The following TNR variants were observed in gnomAD, a reference collection of about 807,000 sequenced individuals.
TNR encodes the protein tenascin R.
Under a neutral mutation model 150.4 loss-of-function variants are expected in TNR, and 45 were observed. The ratio of observed to expected loss-of-function variants is 0.30; its 90% CI spans 0.24 to 0.38. TNR has a LOEUF of 0.38. TNR is among the 10% of genes least tolerant of loss of function. TNR has a pLI of 1.00. For missense variants in TNR, 1,544 were observed against 1,759.1 expected (o/e 0.88, Z 2.19); for synonymous variants, 687 against 678.4 (o/e 1.01, Z -0.20).
intron 1 of TNR, among the ~76,000 whole-genome samples, chr1:175,653,520 T>C (rs1186240451): frequency 1.3e-5 from 2 of 152,044 alleles, no homozygotes; most frequent in African/African-American, 4.8e-5. Flanking sequence ...AAGAGGACAC[T>C]GGGAAGTCAG....
chr1:175,453,264 C>T (rs942578595), intron 2 of TNR, among the ~76,000 whole-genome samples: 3 of 152,050 alleles, frequency 2.0e-5, no homozygotes, highest in Non-Finnish European at 4.4e-5. Flanking sequence ...ATGCCTCATC[C>T]GGATGATTGG....
chr1:175,367,510 T>C (rs571219660), intron 9 of TNR, among the ~76,000 whole-genome samples: 1 of 152,312 alleles, frequency 6.6e-6, no homozygotes, highest in East Asian at 1.9e-4. Flanking sequence ...AGCTTCCTTC[T>C]TGCAGGCAGG....
chr1:175,438,652 C>A (rs1655629144), intron 2 of TNR, among the ~76,000 whole-genome samples: 1 of 152,180 alleles, frequency 6.6e-6, no homozygotes, highest in African/African-American at 2.4e-5. Context: ...CCAAAATCTC[C>A]TTAAGCTGAT....
At chr1:175,720,360 T>C (rs972704841) in intron 1 of TNR, among the ~76,000 whole-genome samples, 1 of 152,204 alleles carries the variant, frequency 6.6e-6, no homozygotes, top group Non-Finnish European at 1.5e-5. Flanking sequence ...GCCAGAATCT[T>C]AATCTTGAAC....
chr1:175,726,644 G>A (rs1362717793), intron 1 of TNR, among the ~76,000 whole-genome samples: 1 of 152,224 alleles, frequency 6.6e-6, no homozygotes, highest in East Asian at 1.9e-4. Context: ...GTCAGCAAAT[G>A]CCTAGGCAAG....
chr1:175,479,327 G>A (rs1157458), intron 2 of TNR, among the ~76,000 whole-genome samples: 46,087 of 152,052 alleles, frequency 0.3, 7,698 homozygotes, highest in East Asian at 0.55. Flanking sequence ...AATACATTCA[G>A]AGGGCCCTCC....
intron 1 of TNR, among the ~76,000 whole-genome samples, chr1:175,717,277 T>A (rs16849024): frequency 0.05 from 7,652 of 152,226 alleles, 306 homozygotes; most frequent in East Asian, 0.22. Context: ...TTTATAAAAG[T>A]TCTAGTAGAG....
intron 1 of TNR, among the ~76,000 whole-genome samples, chr1:175,630,875 G>A (rs1034631699): frequency 1.3e-5 from 2 of 152,212 alleles, no homozygotes; most frequent in Non-Finnish European, 2.9e-5. Context: ...CAAACAAGGG[G>A]AGCAGGGCAG....
At chr1:175,463,142 C>T (rs1478723550) in intron 2 of TNR, among the ~76,000 whole-genome samples, 1 of 152,122 alleles carries the variant, frequency 6.6e-6, no homozygotes, top group Admixed American at 6.5e-5. Flanking sequence ...TGTTTTTACC[C>T]ACAGAGAGCC....
intron 1 of TNR, among the ~76,000 whole-genome samples, chr1:175,564,133 T>C (rs72725451): frequency 7.2e-4 from 109 of 152,364 alleles, no homozygotes; most frequent in Non-Finnish European, 1.4e-3. Context: ...ACAAGCCAAA[T>C]TGCAGAAATC....
At chr1:175,402,095 C>T (rs1653731988) in intron 4 of TNR, among the ~76,000 whole-genome samples, 1 of 151,788 alleles carries the variant, frequency 6.6e-6, no homozygotes, top group South Asian at 2.1e-4. Context: ...ATCATGAGGT[C>T]AGGAGATCGA....
At chr1:175,447,112 A>G (rs6677247) in intron 2 of TNR, among the ~76,000 whole-genome samples, 60,305 of 151,898 alleles carry the variant, frequency 0.4, 14,058 homozygotes, top group African/African-American at 0.64. Flanking sequence ...CCATCCCCAC[A>G]CTGCCCCCGG....
At position 175,331,162 on chromosome 1, in the gene TNR, T is replaced by C. The variant is rs865823714; in HGVS notation, c.3632-927A>G. 3.5e-3 allele frequency among the ~76,000 whole-genome samples: 245 copies of C among 70,876 alleles called. 6 individuals carry two copies. The highest frequency in any genetic ancestry group is 0.013 in the African/African-American group (181 of 14,012). The allele number at this position is 70,876 out of a possible 152,430, so 46.5% of individuals were successfully genotyped here. ...TTCTTTCTTCCTTTCTTTCTTTTTC[T>C]TTCCTTCCTTCCTTCCTTCCTTCCT... On this transcript the variant is annotated intron_variant, in intron 20 of 22. Transcript: ENST00000367674.
chr1:175,427,843 C>A (rs1424649570), intron 2 of TNR, among the ~76,000 whole-genome samples: 12 of 124,048 alleles, frequency 9.7e-5, no homozygotes, highest in African/African-American at 3.4e-4. Context: ...CCCTCCCTTC[C>A]CTCTTTTTTC....
chr1:175,726,394 G>T (rs1667480875), intron 1 of TNR, among the ~76,000 whole-genome samples: 1 of 152,240 alleles, frequency 6.6e-6, no homozygotes, highest in Admixed American at 6.5e-5. Flanking sequence ...AAGTTAAAAA[G>T]TGTGATTGTA....
rs1319755921 is a variant in TNR, at chr1:175,320,388, A to T, written c.*2969T>A. 1 of 152,124 alleles carries T rather than the reference A, an allele frequency of 6.6e-6. No individual in the cohort carries two copies. The highest frequency in any genetic ancestry group is 1.9e-4 in the East Asian group (1 of 5,200). The allele number at this position is 152,124 out of a possible 1,614,324, so 9.4% of individuals were successfully genotyped here. A position where few individuals can be genotyped will look rare whatever the true frequency, so the allele number is the denominator to read the frequency against. On this transcript the variant is annotated 3_prime_UTR_variant, in exon 23 of 23. Transcript: ENST00000367674. ...CCCTATTAAATAAAAGGAATCTATA[A>T]ATCCTTTTATAGAGGGTTGAATAAG... is the stretch of plus-strand genomic sequence containing the variant.
intron 7 of TNR, among the ~76,000 whole-genome samples, chr1:175,387,014 G>C (rs1652970861): frequency 6.6e-6 from 1 of 152,192 alleles, no homozygotes; most frequent in Admixed American, 6.5e-5. Flanking sequence ...CCTCTTCCAG[G>C]TTCTCTAGTG....
At chr1:175,532,319 T>A (rs1036253366) in intron 1 of TNR, among the ~76,000 whole-genome samples, 2 of 152,216 alleles carry the variant, frequency 1.3e-5, no homozygotes, top group Non-Finnish European at 2.9e-5. Context: ...ACCTTCAAGT[T>A]GTTCTTAGTC....
At chr1:175,448,608 A>AC (rs1485825732) in intron 2 of TNR, among the ~76,000 whole-genome samples, 2 of 152,240 alleles carry the variant, frequency 1.3e-5, no homozygotes, top group Non-Finnish European at 2.9e-5. Flanking sequence ...CACATGTAAC[A>AC]CATAGACACT....
Sources: allele counts gnomAD v4.1 joint callset (sites outside exome capture counted in the v4.1 genomes callset), GRCh38; gene constraint gnomAD v4.1.1; transcripts MANE v1.5; gene names NCBI Gene and HGNC (gene_info 2026-07-23, HGNC 2026-07-21).